Variants in ABCG2 observed in about 807,000 individuals in gnomAD.
ABCG2 encodes broad substrate specificity ATP-binding cassette transporter ABCG2.
In ABCG2, 80 loss-of-function variants were observed where a neutral mutation model predicts 73.5. The observed-to-expected ratio is 1.09, with a 90% CI of 0.91 to 1.31. The LOEUF is 1.31. Among genes scored for constraint, ABCG2 ranks in the 50% most tolerant of loss-of-function variants. ABCG2 has a pLI of 0.00. For synonymous variants in ABCG2, 269 were observed against 282.4 expected (o/e 0.95, Z 0.48); for missense variants, 796 against 786.2 (o/e 1.01, Z -0.15).
chr4:88,130,062 A>T (rs534662514), intron 5 of ABCG2, among the ~76,000 whole-genome samples: 6 of 152,360 alleles, frequency 3.9e-5, no homozygotes, highest in African/African-American at 1.4e-4. Context: ...CAGACACTAC[A>T]TAAATGAGAA....
chr4:88,167,184 G>A (rs1054906203), intron 1 of ABCG2, among the ~76,000 whole-genome samples: 8 of 151,808 alleles, frequency 5.3e-5, no homozygotes, highest in African/African-American at 9.7e-5. Context: ...GAACCAAGCA[G>A]AGTAAGGTTG....
intron 1 of ABCG2, among the ~76,000 whole-genome samples, chr4:88,188,153 G>C (rs1728540429): frequency 6.6e-6 from 1 of 152,094 alleles, no homozygotes. Context: ...TTTGTATATA[G>C]TACTATATAA....
intron 9 of ABCG2, among the ~76,000 whole-genome samples, chr4:88,108,543 A>G (rs1578182394): frequency 6.6e-6 from 1 of 152,284 alleles, no homozygotes. Flanking sequence ...AAATAAATTG[A>G]TAAATAAATA....
intron 7 of ABCG2, among the ~76,000 whole-genome samples, chr4:88,117,657 T>C (rs563604809): frequency 6.6e-6 from 1 of 152,066 alleles, no homozygotes; most frequent in East Asian, 1.9e-4. Context: ...ATAAACAAAA[T>C]TAAGTAGCAT....
chr4:88,177,584 C>T lies in ABCG2; in HGVS notation c.-19-37570G>A, dbSNP rs181264337. 3.3e-3 allele frequency among the ~76,000 whole-genome samples: 504 copies of T among 152,186 alleles called. 5 individuals are homozygous for T. Among genetic ancestry groups the T allele is most frequent in the African/African-American group, 0.011 (449 of 41,538 alleles). ...CACCAAATTGAACCACTATCTACCC[C>T]AAAAAGCACCTTCACAAGCACCAAA... On this transcript the variant is annotated intron_variant, in intron 1 of 15. Transcript: ENST00000515655.
At chr4:88,096,145 G>A (rs1721968625) in intron 13 of ABCG2, among the ~76,000 whole-genome samples, 1 of 152,174 alleles carries the variant, frequency 6.6e-6, no homozygotes, top group African/African-American at 2.4e-5. Context: ...CCAAAGTCTA[G>A]AACTGATACA....
intron 9 of ABCG2, among the ~76,000 whole-genome samples, chr4:88,109,175 C>T (rs964664085): frequency 3.3e-5 from 5 of 151,566 alleles, no homozygotes; most frequent in Non-Finnish European, 5.9e-5. Flanking sequence ...ATTTTTTGTA[C>T]TTTTAGTAGA....
intron 1 of ABCG2, among the ~76,000 whole-genome samples, chr4:88,212,420 G>C (rs1416409118): frequency 6.6e-6 from 1 of 151,976 alleles, no homozygotes; most frequent in Non-Finnish European, 1.5e-5. Flanking sequence ...TTAATTCTTG[G>C]TGAATTCAGT....
intron 1 of ABCG2, among the ~76,000 whole-genome samples, chr4:88,147,459 A>C (rs932465138): frequency 1.3e-5 from 2 of 152,214 alleles, no homozygotes; most frequent in Non-Finnish European, 2.9e-5. Flanking sequence ...ACACAGAAAA[A>C]TGATATTTAT....
intron 6 of ABCG2, 101 bp downstream of exon 6, chr4:88,121,534 A>C: frequency 8.9e-7 from 1 of 1,128,036 alleles, no homozygotes; most frequent in South Asian, 1.7e-5. Context: ...CAGAAGAGGA[A>C]GAAATTACTT....
rs114727724 is a variant in ABCG2, at chr4:88,124,937, C to T, written c.532-3145G>A. ...ACACTCCTCATCACATGCAAAAGAA[C>T]GGAAATCATAACCAACAGTCTGTCA... On this transcript the variant is annotated intron_variant, in intron 5 of 15. Coordinates refer to ENST00000237612, the MANE Select transcript of ABCG2 (RefSeq NM_004827.3). Among the ~76,000 whole-genome samples, 1,365 of 152,260 alleles carry T rather than the reference C, an allele frequency of 9.0e-3. 11 individuals carry two copies. The highest frequency in any genetic ancestry group is 0.027 in the African/African-American group (1,130 of 41,548).
At chr4:88,176,917 T>C (rs1728011657) in intron 1 of ABCG2, among the ~76,000 whole-genome samples, 1 of 152,100 alleles carries the variant, frequency 6.6e-6, no homozygotes, top group South Asian at 2.1e-4. Flanking sequence ...GGTGTCAAGT[T>C]ATAGCAAGTA....
chr4:88,170,438 G>T (rs946857434), intron 1 of ABCG2, among the ~76,000 whole-genome samples: 2 of 152,168 alleles, frequency 1.3e-5, no homozygotes, highest in Non-Finnish European at 2.9e-5. Context: ...ATGACTTCTA[G>T]GCCAGGGTTC....
At chr4:88,113,611 T>C in intron 8 of ABCG2, 58 bp from the exon 9 acceptor site, 1 of 1,577,932 alleles carries the variant, frequency 6.3e-7, no homozygotes, top group East Asian at 2.2e-5. Flanking sequence ...ATTTAGCCCA[T>C]TTTTTCTGTG....
At chr4:88,211,252 CTTGT>C (rs1173429675) in intron 1 of ABCG2, among the ~76,000 whole-genome samples, 2 of 150,286 alleles carry the variant, frequency 1.3e-5, no homozygotes, top group East Asian at 3.9e-4. Flanking sequence ...GTTGCACGTG[CTTGT>C]TTGTTACATA....
chr4:88,117,564 G>A (rs940910808), intron 7 of ABCG2, among the ~76,000 whole-genome samples: 2 of 152,118 alleles, frequency 1.3e-5, no homozygotes, highest in African/African-American at 4.8e-5. Flanking sequence ...GTGAACCCGA[G>A]AGGCAGAGCT....
rs902096276 is a variant in ABCG2, at chr4:88,130,952, C to T, written c.531+109G>A. ...TTTTCTCATTGTTATGGAAAGCAAC[C>T]ATTTTTGACCATACACATTACAGGA... On this transcript the variant is annotated intron_variant, in intron 5 of 15. Coordinates refer to ENST00000237612, the MANE Select transcript of ABCG2 (RefSeq NM_004827.3). 7.9e-6 allele frequency: 10 copies of T among 1,258,672 alleles called. No individual in the cohort carries two copies. The African/African-American group carries it at 9.1e-5, about 11-fold the overall frequency. The allele number at this position is 1,258,672 out of a possible 1,614,324, so 78.0% of individuals were successfully genotyped here.
chr4:88,136,318 C>T (rs1255076186), intron 2 of ABCG2, among the ~76,000 whole-genome samples: 1 of 152,144 alleles, frequency 6.6e-6, no homozygotes, highest in Non-Finnish European at 1.5e-5. Context: ...ACAATGACAT[C>T]CCAATAGCAA....
intron 15 of ABCG2, among the ~76,000 whole-genome samples, chr4:88,093,201 TA>T (rs1018761672): frequency 2.0e-5 from 3 of 152,212 alleles, no homozygotes; most frequent in Admixed American, 2.0e-4. Context: ...GCCTCTCTTT[TA>T]CTATAAGAAT....
Sources: allele counts gnomAD v4.1 joint callset (sites outside exome capture counted in the v4.1 genomes callset), GRCh38; gene constraint gnomAD v4.1.1; transcripts MANE v1.5; gene names NCBI Gene and HGNC (gene_info 2026-07-23, HGNC 2026-07-21).